Variants in HACE1 observed in about 807,000 individuals in gnomAD.
HACE1 encodes HECT domain and ankyrin repeat containing E3 ubiquitin protein ligase 1.
In HACE1, 73 loss-of-function variants were observed where a neutral mutation model predicts 118.4. That is an observed-to-expected ratio of 0.62 (90% CI 0.51 to 0.75). The LOEUF (loss-of-function observed/expected upper bound fraction) is 0.75, where lower values mean the gene tolerates loss of function less well. Ranked by LOEUF, HACE1 falls within the 30% of genes least tolerant of loss-of-function variation. The probability of loss-of-function intolerance (pLI) is 0.00; values close to 1 mark genes in which losing one functional copy is unlikely to be tolerated. For missense variants in HACE1, 749 were observed against 1,102.2 expected (o/e 0.68, Z 4.54); for synonymous variants, 368 against 374.8 (o/e 0.98, Z 0.21).
rs750886035 is a variant in HACE1 at position 104,777,079 on chromosome 6, C to T, written c.1710G>A (p.Val570=). ...TTAGCTTTGCACAATTTGCTTTTGACACAACTTCACAGCTACTCCTAAAAA... is the reference window on the plus strand; with the variant it reads ...TTAGCTTTGCACAATTTGCTTTTGATACAACTTCACAGCTACTCCTAAAAA... ...DSIFRSSCEV[V]SKANCAKLKQ... Residue 570 remains valine (V), a synonymous_variant, in exon 16 of 24, where the codon GTG becomes GTA. Coordinates refer to ENST00000262903, the MANE Select transcript of HACE1 (RefSeq NM_020771.4). 1 of 1,612,064 alleles carries T rather than the reference C, an allele frequency of 6.2e-7. No homozygotes were observed.
intron 6 of HACE1, among the ~76,000 whole-genome samples, chr6:104,814,909 A>G (rs1582611534): frequency 1.4e-5 from 2 of 138,708 alleles, no homozygotes; most frequent in African/African-American, 2.9e-5. Context: ...CTGTTAAGCC[A>G]GCAGAACTCT....
chr6:104,744,294 A>T, intron 21 of HACE1, 64 bp from the exon 22 acceptor site: 1 of 987,938 alleles, frequency 1.0e-6, no homozygotes, highest in East Asian at 2.4e-5. Flanking sequence ...TCAATACCAG[A>T]GAAATATGCA....
At chr6:104,796,795 G>T in intron 8 of HACE1, 39 bp from the exon 9 acceptor site, 1 of 1,248,644 alleles carries the variant, frequency 8.0e-7, no homozygotes, top group Non-Finnish European at 1.2e-6. Flanking sequence ...TTTAAAAACA[G>T]TCCCTTTTAA....
intron 1 of HACE1, among the ~76,000 whole-genome samples, chr6:104,855,485 T>C (rs962368067): frequency 9.2e-5 from 14 of 152,036 alleles, no homozygotes; most frequent in African/African-American, 2.7e-4. Flanking sequence ...AAAAAGATAA[T>C]ATATCCTACA....
intron 6 of HACE1, among the ~76,000 whole-genome samples, chr6:104,823,180 T>G (rs1235236978): frequency 6.6e-6 from 1 of 152,208 alleles, no homozygotes; most frequent in Non-Finnish European, 1.5e-5. Flanking sequence ...GGTTCACACC[T>G]GCAATCCCAG....
At chr6:104,752,245 T>C (rs960049057) in intron 19 of HACE1, among the ~76,000 whole-genome samples, 1 of 152,144 alleles carries the variant, frequency 6.6e-6, no homozygotes, top group African/African-American at 2.4e-5. Context: ...CACATACAGG[T>C]ACTTATTATA....
At chr6:104,779,825 G>A (rs559181528) in intron 14 of HACE1, among the ~76,000 whole-genome samples, 3 of 151,714 alleles carry the variant, frequency 2.0e-5, no homozygotes, top group African/African-American at 4.8e-5. Context: ...AGAGCTGTTA[G>A]GATTAAATAA....
chr6:104,776,898 A>C (rs913391139), intron 16 of HACE1, 70 bp from the exon 17 acceptor site: 5 of 1,336,948 alleles, frequency 3.7e-6, no homozygotes, highest in Middle Eastern at 1.8e-4. Flanking sequence ...TCTAAATAAC[A>C]AAATTTAAAT....
intron 5 of HACE1, among the ~76,000 whole-genome samples, chr6:104,839,530 A>G (rs1774885354): frequency 6.6e-6 from 1 of 152,300 alleles, no homozygotes; most frequent in East Asian, 1.9e-4. Flanking sequence ...GGACAAAGGG[A>G]AAGGTATGGT....
chr6:104,763,857 C>A (rs1455829889), intron 19 of HACE1, among the ~76,000 whole-genome samples: 1 of 152,094 alleles, frequency 6.6e-6, no homozygotes, highest in African/African-American at 2.4e-5. Flanking sequence ...CGAGACCAGC[C>A]TGGCCAACAT....
intron 7 of HACE1, among the ~76,000 whole-genome samples, chr6:104,799,909 G>GCCAAAGGAGGGCGGGGCAT (rs11274321): frequency 6.6e-6 from 1 of 151,940 alleles, no homozygotes; most frequent in South Asian, 2.1e-4. Context: ...CGGAGGGTGA[G>GCCAAAGGAGGGCGGGGCAT]CACCTCACTT....
At chr6:104,827,398 ACT>A (rs1773444592) in intron 6 of HACE1, among the ~76,000 whole-genome samples, 1 of 152,104 alleles carries the variant, frequency 6.6e-6, no homozygotes, top group Non-Finnish European at 1.5e-5. Context: ...AAAACTCCCA[ACT>A]CACTAATCAG....
intron 18 of HACE1, among the ~76,000 whole-genome samples, chr6:104,771,666 GA>G (rs1365790451): frequency 7.9e-6 from 1 of 126,144 alleles, no homozygotes; most frequent in African/African-American, 3.1e-5. Context: ...TACTCACACT[GA>G]AATGTATTCT....
chr6:104,731,517 G>C (rs1775200110), intron 22 of HACE1: 1 of 151,944 alleles, frequency 6.6e-6, no homozygotes, highest in South Asian at 2.1e-4. Context: ...CAAGAAAAGA[G>C]ACATATGAAC....
At chr6:104,793,767 T>C (rs1312908098) in intron 10 of HACE1, among the ~76,000 whole-genome samples, 1 of 152,220 alleles carries the variant, frequency 6.6e-6, no homozygotes, top group African/African-American at 2.4e-5. Flanking sequence ...GGAAACAATT[T>C]GTATTTGAAA....
At chr6:104,766,616 A>G (rs1246185027) in intron 19 of HACE1, among the ~76,000 whole-genome samples, 1 of 152,268 alleles carries the variant, frequency 6.6e-6, no homozygotes, top group Non-Finnish European at 1.5e-5. Flanking sequence ...CAATAAAACC[A>G]TATTAAAATG....
chr6:104,748,778 C>CA (rs1272675840), intron 20 of HACE1, among the ~76,000 whole-genome samples: 1 of 152,100 alleles, frequency 6.6e-6, no homozygotes, highest in East Asian at 1.9e-4. Flanking sequence ...TTCCCACAAA[C>CA]AAAAACTTGA....
At chr6:104,778,647 T>G (rs75486903) in intron 14 of HACE1, among the ~76,000 whole-genome samples, 1 of 151,396 alleles carries the variant, frequency 6.6e-6, no homozygotes, top group African/African-American at 2.4e-5. Flanking sequence ...AAAAAAATGT[T>G]TTAATTAGCC....
intron 20 of HACE1, among the ~76,000 whole-genome samples, chr6:104,748,991 T>C (rs1230465091): frequency 1.3e-5 from 2 of 152,214 alleles, no homozygotes; most frequent in Admixed American, 6.5e-5. Flanking sequence ...TTAAAACTTA[T>C]CAAGCTATAC....
Sources: gnomAD v4.1 joint callset for allele counts (sites outside exome capture counted in the v4.1 genomes callset) on GRCh38, gnomAD v4.1.1 for gene constraint, MANE v1.5 for transcripts, NCBI Gene and HGNC (gene_info 2026-07-23, HGNC 2026-07-21) for gene names.